The following LRP1B variants were observed in gnomAD, a reference collection of about 807,000 sequenced individuals.
The protein encoded by LRP1B is LDL receptor related protein 1B.
Under a neutral mutation model 556.6 loss-of-function variants are expected in LRP1B, and 217 were observed. The ratio of observed to expected loss-of-function variants is 0.39; its 90% CI spans 0.35 to 0.44. The LOEUF (loss-of-function observed/expected upper bound fraction) is 0.44, where lower values mean the gene tolerates loss of function less well. Among genes scored for constraint, LRP1B ranks in the 20% least tolerant of loss-of-function variants. LRP1B has a pLI of 1.00. For missense variants in LRP1B, 5,053 were observed against 5,620.8 expected (o/e 0.90, Z 3.23); for synonymous variants, 2,047 against 1,865.8 (o/e 1.10, Z -2.50).
intron 2 of LRP1B, among the ~76,000 whole-genome samples, chr2:141,671,553 G>A (rs1301401217): frequency 6.6e-6 from 1 of 152,180 alleles, no homozygotes; most frequent in Non-Finnish European, 1.5e-5. Flanking sequence ...ATGGCTAAGG[G>A]TGGGGATTGG....
At chr2:141,991,351 T>G (rs140448078) in intron 1 of LRP1B, among the ~76,000 whole-genome samples, 15 of 152,166 alleles carry the variant, frequency 9.9e-5, no homozygotes, top group African/African-American at 3.6e-4. Flanking sequence ...GTGATCACCC[T>G]TAACATAGAA....
chr2:140,340,730 G>GT (rs200327284), intron 77 of LRP1B, among the ~76,000 whole-genome samples: 33 of 150,850 alleles, frequency 2.2e-4, no homozygotes, highest in African/African-American at 5.6e-4. Flanking sequence ...CCAAAGTTTT[G>GT]TTTTTTTTCT....
intron 5 of LRP1B, among the ~76,000 whole-genome samples, chr2:141,244,759 G>T (rs988363259): frequency 2.6e-5 from 4 of 152,018 alleles, no homozygotes; most frequent in African/African-American, 7.2e-5. Context: ...ATATCCATGT[G>T]ACCTTTAGAA....
At chr2:141,792,524 A>G (rs1003984783) in intron 2 of LRP1B, among the ~76,000 whole-genome samples, 2 of 152,044 alleles carry the variant, frequency 1.3e-5, no homozygotes, top group Admixed American at 1.3e-4. Flanking sequence ...TGTATAGTAT[A>G]GTTTGACTGC....
intron 3 of LRP1B, among the ~76,000 whole-genome samples, chr2:141,312,527 T>G (rs1003526302): frequency 6.6e-6 from 1 of 152,164 alleles, no homozygotes; most frequent in Non-Finnish European, 1.5e-5. Flanking sequence ...GATTTTTTAC[T>G]GTGTGGAGAT....
At position 141,142,660 on chromosome 2, in the gene LRP1B, A is replaced by C. The variant is rs1397650694; in HGVS notation, c.1013+45761T>G. The stretch of plus-strand genomic sequence containing the variant: ...GTTCTCATCTACTATCTCATCTTCA[A>C]ATCTACCTTGTGAAATAGTCAAGAC... On this transcript the variant is annotated intron_variant, in intron 7 of 90. Coordinates refer to ENST00000389484, the MANE Select transcript of LRP1B (RefSeq NM_018557.3). Among the ~76,000 whole-genome samples the C allele has an allele frequency of 3.3e-5, 5 of 152,148 alleles. No homozygotes were observed. In the East Asian group the frequency reaches 9.6e-4, roughly 29 times the overall value.
chr2:141,859,498 A>T (rs965595220), intron 1 of LRP1B, among the ~76,000 whole-genome samples: 1 of 152,128 alleles, frequency 6.6e-6, no homozygotes, highest in African/African-American at 2.4e-5. Context: ...GGAAACACAA[A>T]TTTTTTCATC....
chr2:140,805,874 T>C (rs148330068), intron 32 of LRP1B, among the ~76,000 whole-genome samples: 4 of 152,154 alleles, frequency 2.6e-5, no homozygotes, highest in African/African-American at 9.7e-5. Context: ...CATATATATA[T>C]GGATGCATAC....
At chr2:140,965,210 C>T (rs988188196) in intron 18 of LRP1B, among the ~76,000 whole-genome samples, 2 of 152,110 alleles carry the variant, frequency 1.3e-5, no homozygotes, top group Admixed American at 1.3e-4. Context: ...AATTCTAACC[C>T]CCAGGACCTG....
At chr2:141,209,316 G>A (rs1255874394) in intron 6 of LRP1B, among the ~76,000 whole-genome samples, 10 of 152,076 alleles carry the variant, frequency 6.6e-5, no homozygotes, top group Admixed American at 2.6e-4. Flanking sequence ...TTCATAAAGG[G>A]CTTTCTCCCC....
At chr2:140,813,597 C>A (rs2105035632) in intron 32 of LRP1B, 60 bp downstream of exon 32, 1 of 1,486,452 alleles carries the variant, frequency 6.7e-7, no homozygotes, top group Non-Finnish European at 9.3e-7. Context: ...TTTAACAGGT[C>A]ATAATAAATC....
intron 1 of LRP1B, among the ~76,000 whole-genome samples, chr2:141,846,072 T>C (rs188942165): frequency 1.3e-5 from 2 of 151,208 alleles, no homozygotes; most frequent in East Asian, 3.9e-4. Flanking sequence ...GAGAAGACAA[T>C]AACGGTAAAA....
At chr2:141,757,151 T>G (rs950944501) in intron 2 of LRP1B, among the ~76,000 whole-genome samples, 4 of 152,198 alleles carry the variant, frequency 2.6e-5, no homozygotes, top group African/African-American at 9.6e-5. Context: ...AAATGATAGA[T>G]GAAAAGCAGC....
At chr2:141,240,463 A>G (rs1683823432) in intron 5 of LRP1B, among the ~76,000 whole-genome samples, 1 of 152,090 alleles carries the variant, frequency 6.6e-6, no homozygotes, top group South Asian at 2.1e-4. Context: ...TCCCAGGTAA[A>G]GCAACAGAAA....
At chr2:141,020,554 A>G (rs780021252) in intron 11 of LRP1B, among the ~76,000 whole-genome samples, 10 of 152,036 alleles carry the variant, frequency 6.6e-5, no homozygotes, top group Admixed American at 3.9e-4. Flanking sequence ...AATCGAAATA[A>G]TATGAATGTC....
chr2:140,404,474 T>A (rs1456114901), intron 66 of LRP1B, among the ~76,000 whole-genome samples: 2 of 152,034 alleles, frequency 1.3e-5, no homozygotes, highest in Admixed American at 1.3e-4. Context: ...GCCTGGCCAG[T>A]AGAACTTCTT....
chr2:140,882,185 G>A (rs145958306), intron 25 of LRP1B, among the ~76,000 whole-genome samples: 1,947 of 152,184 alleles, frequency 0.013, 22 homozygotes, highest in Non-Finnish European at 0.02. Flanking sequence ...GGTCTGATAG[G>A]TAAAACCCTT....
intron 7 of LRP1B, among the ~76,000 whole-genome samples, chr2:141,169,532 T>G (rs1182803773): frequency 6.6e-6 from 1 of 151,722 alleles, no homozygotes; most frequent in Non-Finnish European, 1.5e-5. Flanking sequence ...CTGTCATGGA[T>G]CCTGCACTGC....
At chr2:141,893,768 G>A (rs1699358688) in intron 1 of LRP1B, among the ~76,000 whole-genome samples, 2 of 152,208 alleles carry the variant, frequency 1.3e-5, no homozygotes, top group South Asian at 4.1e-4. Context: ...ACCATTTAAA[G>A]TATATTTGAT....
Sources: allele counts gnomAD v4.1 joint callset (sites outside exome capture counted in the v4.1 genomes callset), GRCh38; gene constraint gnomAD v4.1.1; transcripts MANE v1.5; gene names NCBI Gene and HGNC (gene_info 2026-07-23, HGNC 2026-07-21).